The following ATP13A4 variants were observed in gnomAD, a reference collection of about 807,000 sequenced individuals.
The protein encoded by ATP13A4 is probable cation-transporting ATPase 13A4.
ATP13A4 carries 114 observed loss-of-function variants against 142.5 expected under a neutral mutation model. The observed-to-expected ratio is 0.80, with a 90% CI of 0.69 to 0.93. The LOEUF (loss-of-function observed/expected upper bound fraction) is 0.93. Among genes scored for constraint, ATP13A4 ranks in the 40% least tolerant of loss-of-function variants. The pLI, the probability that ATP13A4 is intolerant of heterozygous loss-of-function variation, is 0.00. For missense variants in ATP13A4, 1,392 were observed against 1,454.0 expected, an observed-to-expected ratio of 0.96 and a Z score of 0.69; for synonymous variants, 488 against 514.8, an observed-to-expected ratio of 0.95 and a Z score of 0.70.
intron 2 of ATP13A4, among the ~76,000 whole-genome samples, chr3:193,512,299 T>C (rs943769515): frequency 6.6e-6 from 1 of 152,194 alleles, no homozygotes; most frequent in Non-Finnish European, 1.5e-5. Flanking sequence ...GAGTCTTCCA[T>C]AGATACTCAC....
At chr3:193,478,443 A>G (rs1164717507) in intron 8 of ATP13A4, among the ~76,000 whole-genome samples, 1 of 152,050 alleles carries the variant, frequency 6.6e-6, no homozygotes, top group Non-Finnish European at 1.5e-5. Flanking sequence ...AATGGGAGAT[A>G]TTACAACTGA....
chr3:193,546,335 G>A (rs146778420), intron 1 of ATP13A4, among the ~76,000 whole-genome samples: 260 of 152,194 alleles, frequency 1.7e-3, no homozygotes, highest in African/African-American at 6.0e-3. Flanking sequence ...TTTACCCAAT[G>A]TAGTTACTTA....
intron 6 of ATP13A4, 91 bp from the exon 7 acceptor site, chr3:193,489,955 C>G (rs1284748483): frequency 1.4e-5 from 19 of 1,341,410 alleles, no homozygotes; most frequent in Non-Finnish European, 1.9e-5. Flanking sequence ...ATCTTCATGA[C>G]ATACATCATC....
At chr3:193,553,957 T>C (rs1723738635) in intron 1 of ATP13A4, among the ~76,000 whole-genome samples, 1 of 152,234 alleles carries the variant, frequency 6.6e-6, no homozygotes, top group Admixed American at 6.5e-5. Flanking sequence ...ACATCATTAC[T>C]GGCATAAAAG....
At position 193,466,011 on chromosome 3, in the gene ATP13A4, CA is replaced by C; in HGVS notation, c.1272+13del. The C allele has an allele frequency of 6.2e-7, 1 of 1,613,486 alleles. No homozygotes were observed. The highest frequency in any genetic ancestry group is 8.5e-7 in the Non-Finnish European group (1 of 1,179,506). On this transcript the variant is annotated intron_variant, in intron 11 of 29. Coordinates refer to ENST00000342695, the MANE Select transcript of ATP13A4 (RefSeq NM_032279.4). Reference sequence around the variant, plus strand: ...AGTGTGTGTGCATTTAATAAAAGAGCAAAGACAGCTTACCCCACTAAGCACA... The same window carrying C: ...AGTGTGTGTGCATTTAATAAAAGAGCAAGACAGCTTACCCCACTAAGCACA...
chr3:193,536,111 G>T (rs1577061032), intron 1 of ATP13A4, among the ~76,000 whole-genome samples: 1 of 152,004 alleles, frequency 6.6e-6, no homozygotes, highest in Non-Finnish European at 1.5e-5. Flanking sequence ...AGTAGAAGAG[G>T]ATGGACTATT....
intron 23 of ATP13A4, among the ~76,000 whole-genome samples, chr3:193,436,205 T>G (rs2108618543): frequency 6.6e-6 from 1 of 152,348 alleles, no homozygotes; most frequent in South Asian, 2.1e-4. Context: ...AAGCATTTGA[T>G]TCAAATTTCA....
intron 1 of ATP13A4, among the ~76,000 whole-genome samples, chr3:193,515,176 A>C (rs960546770): frequency 6.6e-6 from 1 of 152,176 alleles, no homozygotes; most frequent in Non-Finnish European, 1.5e-5. Context: ...AACTCTCCCA[A>C]TCATGCCTAT....
intron 2 of ATP13A4, among the ~76,000 whole-genome samples, chr3:193,566,684 C>T (rs1229708030): frequency 2.0e-5 from 3 of 152,162 alleles, no homozygotes; most frequent in Non-Finnish European, 2.9e-5. Context: ...CATTCCTCAC[C>T]CCTTTCACTT....
intron 1 of ATP13A4, among the ~76,000 whole-genome samples, chr3:193,585,509 A>C (rs1471175181): frequency 2.0e-5 from 3 of 151,890 alleles, no homozygotes; most frequent in Admixed American, 1.3e-4. Flanking sequence ...TTTGTAGCTC[A>C]TCAGCTATTG....
At chr3:193,528,921 C>T (rs552361349) in intron 1 of ATP13A4, among the ~76,000 whole-genome samples, 4 of 152,200 alleles carry the variant, frequency 2.6e-5, no homozygotes, top group African/African-American at 7.2e-5. Flanking sequence ...ATACCCAAAC[C>T]ATATTCAAAT....
chr3:193,419,849 A>T (rs1715319746), intron 25 of ATP13A4, among the ~76,000 whole-genome samples: 1 of 149,692 alleles, frequency 6.7e-6, no homozygotes, highest in Non-Finnish European at 1.5e-5. Flanking sequence ...TCCCCCACCC[A>T]CTGCCCCTCC....
chr3:193,454,234 G>A lies in ATP13A4; in HGVS notation c.1916-22C>T, dbSNP rs746911875. 29 of 1,551,214 alleles carry A rather than the reference G, an allele frequency of 1.9e-5. 1 individual carries two copies. Among genetic ancestry groups the A allele is most frequent in the Non-Finnish European group, 2.5e-5 (28 of 1,123,316 alleles). On this transcript the variant is annotated intron_variant, in intron 16 of 29. Coordinates refer to ENST00000342695, the MANE Select transcript of ATP13A4 (RefSeq NM_032279.4). ...GGTACTGTTTAGAAAGAAACACAGG[G>A]TTAGTACGCAGTTATTTGCTTAGGC...
chr3:193,457,613 C>A, intron 14 of ATP13A4, 148 bp from the exon 15 acceptor site: 1 of 748,450 alleles, frequency 1.3e-6, no homozygotes, highest in Non-Finnish European at 2.3e-6. Context: ...CAGATTTATT[C>A]CGCCACAGAA....
chr3:193,540,874 G>A (rs148566065), intron 1 of ATP13A4, among the ~76,000 whole-genome samples: 1,638 of 152,124 alleles, frequency 0.011, 14 homozygotes, highest in Non-Finnish European at 0.017. Flanking sequence ...CGTGGGTGAC[G>A]GCATCATTGT....
intron 16 of ATP13A4, among the ~76,000 whole-genome samples, chr3:193,455,085 T>C (rs898837395): frequency 6.6e-5 from 10 of 152,150 alleles, no homozygotes; most frequent in African/African-American, 2.2e-4. Flanking sequence ...AAGCCTGTAA[T>C]CCCAGCACTT....
intron 1 of ATP13A4, among the ~76,000 whole-genome samples, chr3:193,584,585 C>T (rs1171115787): frequency 1.3e-5 from 2 of 151,552 alleles, no homozygotes; most frequent in African/African-American, 4.9e-5. Context: ...ATGAGGCTGC[C>T]TTCTGTTGGG....
intron 2 of ATP13A4, among the ~76,000 whole-genome samples, chr3:193,581,100 T>C (rs1276779335): frequency 6.6e-6 from 1 of 152,232 alleles, no homozygotes; most frequent in Admixed American, 6.5e-5. Context: ...TATTTTCCGA[T>C]ACATTAGTGA....
chr3:193,425,804 A>G (rs1430010158), intron 25 of ATP13A4, among the ~76,000 whole-genome samples: 1 of 151,742 alleles, frequency 6.6e-6, no homozygotes, highest in Non-Finnish European at 1.5e-5. Flanking sequence ...GTTCTATTGC[A>G]TAGTAGGATG....
Sources: allele counts gnomAD v4.1 joint callset (sites outside exome capture counted in the v4.1 genomes callset), GRCh38; gene constraint gnomAD v4.1.1; transcripts MANE v1.5; gene names NCBI Gene and HGNC (gene_info 2026-07-23, HGNC 2026-07-21).